QKI: variants seen among roughly 807,000 people sequenced by gnomAD.
QKI encodes the protein QKI, KH domain containing RNA binding.
QKI carries 10 observed loss-of-function variants against 39.0 expected under a neutral mutation model. That is an observed-to-expected ratio of 0.26 (90% CI 0.16 to 0.43). The LOEUF is 0.43. QKI is among the 20% of genes least tolerant of loss of function. QKI has a pLI of 1.00. For missense variants in QKI, 218 were observed against 428.0 expected (o/e 0.51, Z 4.33); for synonymous variants, 204 against 155.4 (o/e 1.31, Z -2.33).
At chr6:163,486,884 T>C (rs1212484721) in intron 3 of QKI, among the ~76,000 whole-genome samples, 1 of 152,226 alleles carries the variant, frequency 6.6e-6, no homozygotes, top group Non-Finnish European at 1.5e-5. Flanking sequence ...AAGACTGTGA[T>C]AGGTGATAGG....
intron 2 of QKI, among the ~76,000 whole-genome samples, chr6:163,465,189 A>C (rs1017796954): frequency 1.4e-4 from 21 of 152,218 alleles, no homozygotes; most frequent in Non-Finnish European, 2.9e-5. Flanking sequence ...GCCACAACAT[A>C]ATAAAGGCTA....
chr6:163,529,011 T>C (rs1440578689), intron 3 of QKI, among the ~76,000 whole-genome samples: 1 of 152,200 alleles, frequency 6.6e-6, no homozygotes, highest in Non-Finnish European at 1.5e-5. Context: ...CCTGTTCTTC[T>C]GATACATCAA....
At chr6:163,565,886 G>A in intron 6 of QKI, 2 of 1,605,686 alleles carry the variant, frequency 1.2e-6, no homozygotes, top group Admixed American at 1.7e-5. Context: ...TGAGGAGATT[G>A]GTATTAGCAT....
At chr6:163,479,253 C>T (rs966209141) in intron 3 of QKI, among the ~76,000 whole-genome samples, 2 of 152,224 alleles carry the variant, frequency 1.3e-5, no homozygotes, top group African/African-American at 4.8e-5. Context: ...GCACTCCAGC[C>T]TGGGCAACAG....
rs972462814 is a variant in QKI, at chr6:163,576,487, C to T, written c.*5777C>T. On this transcript the variant is annotated 3_prime_UTR_variant, in exon 8 of 8. Transcript: ENST00000361752. ...AAAGTTAATTTATAACTTAAAAGTG[C>T]TATTAAGTTTTTATTACCAAATATA... 1.3e-5 allele frequency: 2 copies of T among 151,902 alleles called. No homozygotes were observed. Among genetic ancestry groups the T allele is most frequent in the South Asian group, 2.1e-4 (1 of 4,818 alleles). The allele number at this position is 151,902 out of a possible 1,614,324, so 9.4% of individuals were successfully genotyped here.
intron 4 of QKI, among the ~76,000 whole-genome samples, chr6:163,551,192 T>C (rs909954354): frequency 1.3e-5 from 2 of 152,288 alleles, no homozygotes; most frequent in Admixed American, 6.5e-5. Context: ...TCTATGGTCA[T>C]CAAAATTTGT....
chr6:163,537,579 T>C (rs977708154), intron 4 of QKI, among the ~76,000 whole-genome samples: 1 of 152,236 alleles, frequency 6.6e-6, no homozygotes, highest in Non-Finnish European at 1.5e-5. Flanking sequence ...GATGCCCAGT[T>C]ACCCTGTAGA....
chr6:163,430,395 CTTTTAA>C (rs1253329234), intron 1 of QKI, among the ~76,000 whole-genome samples: 1 of 152,058 alleles, frequency 6.6e-6, no homozygotes, highest in Non-Finnish European at 1.5e-5. Context: ...TACTGCCTAA[CTTTTAA>C]TTTTAACTAT....
At chr6:163,516,468 T>C (rs118185446) in intron 3 of QKI, among the ~76,000 whole-genome samples, 5,991 of 152,122 alleles carry the variant, frequency 0.039, 134 homozygotes, top group Middle Eastern at 0.082. Context: ...CTGAATTTTG[T>C]ATTTTTAGTA....
intron 1 of QKI, among the ~76,000 whole-genome samples, chr6:163,430,517 G>A (rs1489703919): frequency 1.3e-5 from 2 of 151,954 alleles, no homozygotes; most frequent in Admixed American, 1.3e-4. Context: ...GTTTTTTTCT[G>A]TATGTGTAGG....
chr6:163,565,620 G>T (rs1361237316), intron 6 of QKI: 2 of 1,015,382 alleles, frequency 2.0e-6, no homozygotes, highest in South Asian at 4.5e-5. Flanking sequence ...TTTCTAATTG[G>T]CATTCATAAG....
At position 163,571,134 on chromosome 6, in the gene QKI, A is replaced by G. The variant is rs1474885493; in HGVS notation, c.*424A>G. 1 of 155,344 alleles carries G rather than the reference A, an allele frequency of 6.4e-6. No homozygotes were observed. The highest frequency in any genetic ancestry group is 2.4e-5 in the African/African-American group (1 of 41,570). The allele number at this position is 155,344 out of a possible 1,614,324, so 9.6% of individuals were successfully genotyped here. A position where few individuals can be genotyped will look rare whatever the true frequency, so the allele number is the denominator to read the frequency against. ...TCTTTTTCTTCTCATAGCGAAGTCA[A>G]AGCTCTCTCTGAATGTACTGTGTGA... is the stretch of plus-strand genomic sequence containing the variant. On this transcript the variant is annotated 3_prime_UTR_variant, in exon 8 of 8. Coordinates refer to ENST00000361752, the MANE Select transcript of QKI (RefSeq NM_006775.3).
intron 2 of QKI, among the ~76,000 whole-genome samples, chr6:163,466,474 A>G (rs893516616): frequency 6.6e-6 from 1 of 152,150 alleles, no homozygotes; most frequent in Non-Finnish European, 1.5e-5. Flanking sequence ...AAGACATTGC[A>G]GTTCCTGATT....
In QKI at chr6:163,415,143, C is replaced by CCGGCGG. The variant is rs751570501; in HGVS notation, c.-32_-27dup. 3,465 of 1,357,136 alleles carry CCGGCGG rather than the reference C, an allele frequency of 2.6e-3. 3 individuals are homozygous for CCGGCGG. Among genetic ancestry groups the CCGGCGG allele is most frequent in the African/African-American group, 9.0e-3 (571 of 63,794 alleles). The allele number at this position is 1,357,136 out of a possible 1,614,324, so 84.1% of individuals were successfully genotyped here. A position where few individuals can be genotyped will look rare whatever the true frequency, so the allele number is the denominator to read the frequency against. Reference sequence around the variant, plus strand: ...GCTCGCCCCCGCCCCTCCCTCCTCTCCGGCGGCGGCGGCGGCGGCGGCGGG... The same window carrying CCGGCGG: ...GCTCGCCCCCGCCCCTCCCTCCTCTCCGGCGGCGGCGGCGGCGGCGGCGGCGGCGGG... On this transcript the variant is annotated 5_prime_UTR_variant, in exon 1 of 8. Transcript: ENST00000361752.
chr6:163,474,275 C>T (rs1230321), intron 2 of QKI, among the ~76,000 whole-genome samples: 107,050 of 151,968 alleles, frequency 0.7, 38,042 homozygotes, highest in East Asian at 1. Flanking sequence ...TCAAGGATGA[C>T]ACACTTTTAT....
chr6:163,439,363 T>C (rs919113614), intron 1 of QKI, among the ~76,000 whole-genome samples: 1 of 97,248 alleles, frequency 1.0e-5, no homozygotes, highest in African/African-American at 4.4e-5. Flanking sequence ...TTCGGGGGGG[T>C]GGGGGACGGA....
chr6:163,547,967 C>T (rs1267921144), intron 4 of QKI, among the ~76,000 whole-genome samples: 1 of 152,114 alleles, frequency 6.6e-6, no homozygotes, highest in East Asian at 1.9e-4. Flanking sequence ...CTAACATGTG[C>T]CTACTTTTCC....
chr6:163,553,887 A>G (rs977926489), intron 4 of QKI, among the ~76,000 whole-genome samples: 4 of 152,150 alleles, frequency 2.6e-5, no homozygotes, highest in Admixed American at 2.0e-4. Context: ...TTTTCTGGTT[A>G]AATAAAGTGC....
At chr6:163,532,705 G>T (rs1780937961) in intron 3 of QKI, among the ~76,000 whole-genome samples, 1 of 152,126 alleles carries the variant, frequency 6.6e-6, no homozygotes, top group Admixed American at 6.5e-5. Context: ...GAATCCTTTT[G>T]GGTGGTTCCT....
Sources: allele counts gnomAD v4.1 joint callset (sites outside exome capture counted in the v4.1 genomes callset), GRCh38; gene constraint gnomAD v4.1.1; transcripts MANE v1.5; gene names NCBI Gene and HGNC (gene_info 2026-07-23, HGNC 2026-07-21).